MYO16: variants seen among roughly 807,000 people sequenced by gnomAD.
MYO16 encodes myosin XVI.
Under a neutral mutation model 205.3 loss-of-function variants are expected in MYO16, and 94 were observed. That is an observed-to-expected ratio of 0.46 (90% CI 0.39 to 0.54). MYO16 has a LOEUF of 0.54. Among genes scored for constraint, MYO16 ranks in the 20% least tolerant of loss-of-function variants. MYO16 has a pLI of 0.00. For missense variants in MYO16, 2,315 were observed against 2,387.5 expected (o/e 0.97, Z 0.63); for synonymous variants, 988 against 954.0 (o/e 1.04, Z -0.66).
chr13:108,671,440 A>G (rs1187290233), intron 2 of MYO16, among the ~76,000 whole-genome samples: 1 of 152,206 alleles, frequency 6.6e-6, no homozygotes, highest in African/African-American at 2.4e-5. Context: ...CAGCAAGGCA[A>G]CCTATATAAT....
At chr13:108,740,720 C>T (rs947112462) in intron 4 of MYO16, among the ~76,000 whole-genome samples, 5 of 152,184 alleles carry the variant, frequency 3.3e-5, no homozygotes, top group Admixed American at 6.5e-5. Context: ...TCAGCTATGT[C>T]CTGCCCCCAG....
the MYO16 span, among the ~76,000 whole-genome samples, chr13:108,579,224 TG>T: frequency 2.0e-5 from 3 of 152,144 alleles, no homozygotes; most frequent in African/African-American, 7.2e-5. Context: ...GGAAGTAACT[TG>T]TGTCTTTTGA....
At chr13:108,537,611 C>T in the MYO16 span, among the ~76,000 whole-genome samples, 1 of 152,080 alleles carries the variant, frequency 6.6e-6, no homozygotes, top group African/African-American at 2.4e-5. Flanking sequence ...TTTACATTAA[C>T]ACTAACAGTG....
chr13:108,654,107 G>T (rs775562619), intron 1 of MYO16, among the ~76,000 whole-genome samples: 15 of 151,882 alleles, frequency 9.9e-5, no homozygotes, highest in Non-Finnish European at 2.1e-4. Context: ...ATGGGGTTAG[G>T]GTATTCCATT....
intron 16 of MYO16, among the ~76,000 whole-genome samples, chr13:108,952,219 T>G (rs964719780): frequency 6.6e-6 from 1 of 152,182 alleles, no homozygotes; most frequent in African/African-American, 2.4e-5. Context: ...ACTACCAAAT[T>G]TCTACAGTGT....
chr13:108,971,575 G>A (rs967800357), intron 20 of MYO16, among the ~76,000 whole-genome samples: 1 of 151,004 alleles, frequency 6.6e-6, no homozygotes, highest in East Asian at 1.9e-4. Flanking sequence ...TATTAATAAT[G>A]TTAAATATTA....
chr13:109,144,026 CTTTTT>C (rs11347920), intron 32 of MYO16, among the ~76,000 whole-genome samples: 2 of 143,792 alleles, frequency 1.4e-5, no homozygotes, highest in Non-Finnish European at 3.0e-5. Flanking sequence ...TATAATAATT[CTTTTT>C]TTTTTTTTTT....
At chr13:108,632,261 T>C (rs1880021529) in intron 1 of MYO16, among the ~76,000 whole-genome samples, 1 of 152,186 alleles carries the variant, frequency 6.6e-6, no homozygotes, top group Admixed American at 6.5e-5. Context: ...CCATTCCTTC[T>C]TCGCCTGTCC....
Position 109,072,595 on chromosome 13 carries a change from A to ACACACACACT in MYO16, c.3335+17007_3335+17008insACTCACACAC, listed in dbSNP as rs1887957747. Among the ~76,000 whole-genome samples, 38 of 151,398 alleles carry ACACACACACT rather than the reference A, an allele frequency of 2.5e-4. 3 individuals carry two copies. The South Asian group carries it at 7.6e-3, about 30-fold the overall frequency. ...ATTAAACACACACACACACACACACACACACACTCACACACTCTCACACAA... is the reference window on the plus strand; with the variant it reads ...ATTAAACACACACACACACACACACACACACACACTCACACACTCACACACTCTCACACAA... On this transcript the variant is annotated intron_variant, in intron 27 of 34. Coordinates refer to ENST00000457511, the MANE Select transcript of MYO16 (RefSeq NM_001198950.3).
intron 11 of MYO16, among the ~76,000 whole-genome samples, chr13:108,861,836 C>T (rs372598835): frequency 2.0e-5 from 3 of 149,266 alleles, no homozygotes; most frequent in Non-Finnish European, 3.0e-5. Context: ...TATGTATTCA[C>T]GATATTCTTT....
intron 10 of MYO16, among the ~76,000 whole-genome samples, chr13:108,853,107 G>C (rs536090155): frequency 7.9e-4 from 121 of 152,336 alleles, no homozygotes; most frequent in Admixed American, 2.7e-3. Context: ...CAGTTCCTTC[G>C]CCTAAGGGCT....
intron 11 of MYO16, among the ~76,000 whole-genome samples, chr13:108,856,475 G>T (rs1878177088): frequency 6.6e-6 from 1 of 152,196 alleles, no homozygotes; most frequent in Admixed American, 6.5e-5. Context: ...GCCTGCCACT[G>T]TAAATACACT....
rs530251239 is a variant in MYO16, at chr13:108,795,110, ATATT to A, written c.741+1475_741+1478del. Among the ~76,000 whole-genome samples the A allele has an allele frequency of 3.5e-3, 525 of 152,066 alleles. 2 individuals are homozygous for A. The highest frequency in any genetic ancestry group is 0.012 in the African/African-American group (509 of 41,518). The stretch of plus-strand genomic sequence containing the variant: ...TCTCCTAAAGTTTATAAATTTATAA[ATATT>A]TATTCTGGAAGATAAAATTTAGAAA... On this transcript the variant is annotated intron_variant, in intron 6 of 34. Transcript: ENST00000457511.
chr13:108,841,362 G>A (rs74119638), intron 9 of MYO16, among the ~76,000 whole-genome samples: 2,112 of 152,268 alleles, frequency 0.014, 43 homozygotes, highest in African/African-American at 0.048. Context: ...ACATCCATAT[G>A]AGAAAATAAT....
chr13:108,621,843 C>A (rs1469637783), intron 1 of MYO16, among the ~76,000 whole-genome samples: 1 of 152,124 alleles, frequency 6.6e-6, no homozygotes, highest in African/African-American at 2.4e-5. Flanking sequence ...AGCACATTCA[C>A]CTAACTTTTA....
intron 17 of MYO16, among the ~76,000 whole-genome samples, chr13:108,959,115 G>A (rs1883487101): frequency 6.6e-6 from 1 of 152,126 alleles, no homozygotes; most frequent in Non-Finnish European, 1.5e-5. Flanking sequence ...GAATGCAGGG[G>A]CACCTTGCTG....
chr13:109,016,972 T>A (rs1470142200), intron 22 of MYO16, among the ~76,000 whole-genome samples: 1 of 152,198 alleles, frequency 6.6e-6, no homozygotes, highest in Non-Finnish European at 1.5e-5. Context: ...ACATTTAAGG[T>A]TAATATTGTC....
chr13:109,190,805 G>A (rs900105458), intron 34 of MYO16, among the ~76,000 whole-genome samples: 1 of 152,134 alleles, frequency 6.6e-6, no homozygotes, highest in Non-Finnish European at 1.5e-5. Context: ...AGAATAATAT[G>A]CAAGGTTTGT....
intron 12 of MYO16, among the ~76,000 whole-genome samples, chr13:108,866,780 T>A (rs935487857): frequency 6.6e-6 from 1 of 152,132 alleles, no homozygotes; most frequent in Non-Finnish European, 1.5e-5. Flanking sequence ...AAAAATACTA[T>A]ATCATAGGAG....
Sources: allele counts gnomAD v4.1 joint callset (sites outside exome capture counted in the v4.1 genomes callset), GRCh38; gene constraint gnomAD v4.1.1; transcripts MANE v1.5; gene names NCBI Gene and HGNC (gene_info 2026-07-23, HGNC 2026-07-21).